Variants in CLDN12 observed in about 807,000 individuals in gnomAD.
CLDN12 encodes claudin 12, also known as claudin-12.
In CLDN12, 9 loss-of-function variants were observed where a neutral mutation model predicts 15.5. That is an observed-to-expected ratio of 0.58 (90% confidence interval 0.35 to 1.02). CLDN12 has a LOEUF of 1.02. Among genes scored for constraint, CLDN12 ranks in the 50% least tolerant of loss-of-function variants. CLDN12 has a pLI of 0.02. For synonymous variants in CLDN12, 140 were observed against 121.6 expected, an observed-to-expected ratio of 1.15 and a Z score of -1.00; for missense variants, 233 against 297.3, an observed-to-expected ratio of 0.78 and a Z score of 1.59.
chr7:90,414,806 T>C lies in CLDN12; in HGVS notation c.*1395T>C, dbSNP rs1797042707. On this transcript the variant is annotated 3_prime_UTR_variant, in exon 4 of 4. Transcript: ENST00000496677. ...CCACTTCTGAAAGTATGATGATGTA[T>C]TAAGGATGGAGGAGTTATTAAAAAT... The C allele has an allele frequency of 6.0e-6, 1 of 167,014 alleles. No homozygotes were observed. The highest frequency in any genetic ancestry group is 6.5e-5 in the Admixed American group (1 of 15,270). 10.3% of individuals were successfully genotyped at this position (167,014 alleles called of 1,614,324 possible).
Position 90,414,722 on chromosome 7 carries a change from T to C in CLDN12, c.*1311T>C, listed in dbSNP as rs1423601634. 6.0e-6 allele frequency: 1 copy of C among 167,100 alleles called. No individual in the cohort carries two copies. Among genetic ancestry groups the C allele is most frequent in the Non-Finnish European group, 1.5e-5 (1 of 68,120 alleles). 10.4% of individuals were successfully genotyped at this position (167,100 alleles called of 1,614,324 possible). A position where few individuals can be genotyped will look rare whatever the true frequency, so the allele number is the denominator to read the frequency against. On this transcript the variant is annotated 3_prime_UTR_variant, in exon 4 of 4. Transcript: ENST00000496677. ...TTTAAGGCACCTGTGCTAGCCTAGA[T>C]TTTGTAATAACACTGATTTATGAGA...
chr7:90,412,772 CTG>C lies in CLDN12; in HGVS notation c.97_98del (p.Trp33GlufsTer29). 6.2e-7 allele frequency: 1 copy of C among 1,614,208 alleles called. No homozygotes were observed. Among genetic ancestry groups the C allele is most frequent in the Non-Finnish European group, 8.5e-7 (1 of 1,180,036 alleles). On this transcript the variant is annotated frameshift_variant, in exon 4 of 4. Transcript: ENST00000496677. LOFTEE classifies it high-confidence loss of function. ...TCTTTGCAGGGACTCTGCTTCCCAACTGGAGAAAATTACGATTGATCACATTC... is the reference window on the plus strand; with the variant it reads ...TCTTTGCAGGGACTCTGCTTCCCAACGAGAAAATTACGATTGATCACATTC... ...GLFAGTLLPNWRKLRLITFNR... is the reference protein window; with the variant it reads ...GLFAGTLLPNXRKLRLITFNR...
chr7:90,410,998 A>G (rs1796949985), intron 2 of CLDN12, among the ~76,000 whole-genome samples: 1 of 152,066 alleles, frequency 6.6e-6, no homozygotes, highest in Non-Finnish European at 1.5e-5. Flanking sequence ...CTTGTTTCAA[A>G]AAAAAAAGAA....
rs969698079 is a variant in CLDN12 at position 90,413,831 on chromosome 7, T to C, written c.*420T>C. 5.0e-6 allele frequency: 5 copies of C among 1,001,634 alleles called. No individual in the cohort carries two copies. The highest frequency in any genetic ancestry group is 5.1e-4 in the Middle Eastern group (1 of 1,942). 62.0% of individuals were successfully genotyped at this position (1,001,634 alleles called of 1,614,324 possible). Reference sequence around the variant, plus strand: ...AAAAGGCAGTTTCAAATATAAGAAATTTATTTCAGGTAAGGGTAATATTTT... The same window carrying C: ...AAAAGGCAGTTTCAAATATAAGAAACTTATTTCAGGTAAGGGTAATATTTT... On this transcript the variant is annotated 3_prime_UTR_variant, in exon 4 of 4. Coordinates refer to ENST00000496677, the MANE Select transcript of CLDN12 (RefSeq NM_001185072.3).
chr7:90,413,047 AGTGTCTG>A lies in CLDN12; in HGVS notation c.374_380del (p.Cys125SerfsTer20). ...TCGGTGCCCAACATCAAACTGGCCA[AGTGTCTG>A]GTCAATAGTGCAGGTTGCCACCTGG... is the stretch of plus-strand genomic sequence containing the variant. On this transcript the variant is annotated frameshift_variant, in exon 4 of 4. Coordinates refer to ENST00000496677, the MANE Select transcript of CLDN12 (RefSeq NM_001185072.3). LOFTEE classifies it high-confidence loss of function. 6.2e-7 allele frequency: 1 copy of A among 1,614,102 alleles called. No homozygotes were observed. The highest frequency in any genetic ancestry group is 8.5e-7 in the Non-Finnish European group (1 of 1,180,010).
intron 2 of CLDN12, among the ~76,000 whole-genome samples, chr7:90,408,453 T>G (rs1020322675): frequency 1.1e-4 from 17 of 152,160 alleles, no homozygotes; most frequent in Admixed American, 6.6e-4. Context: ...TGAAATCTAG[T>G]GAGCTGTGAT....
intron 2 of CLDN12, among the ~76,000 whole-genome samples, chr7:90,407,494 A>C (rs539959050): frequency 1.3e-5 from 2 of 152,328 alleles, no homozygotes; most frequent in Admixed American, 1.3e-4. Context: ...CTGTATTCTG[A>C]CCAGAGTTAT....
At chr7:90,410,284 G>C (rs1156773369) in intron 2 of CLDN12, among the ~76,000 whole-genome samples, 1 of 151,928 alleles carries the variant, frequency 6.6e-6, no homozygotes, top group East Asian at 1.9e-4. Flanking sequence ...AAAAAATACT[G>C]TAATTAGTCT....
rs58946092 is a variant in CLDN12 at position 90,408,239 on chromosome 7, A to C, written c.-77+2631A>C. ...AATTTTACTTCAGGCATGGTGGCTT[A>C]CTTTTGTAATCCCAGCCCTTTGAAA... On this transcript the variant is annotated intron_variant, in intron 2 of 3. Coordinates refer to ENST00000496677, the MANE Select transcript of CLDN12 (RefSeq NM_001185072.3). Among the ~76,000 whole-genome samples the C allele has an allele frequency of 7.5e-3, 1,139 of 152,294 alleles. 12 individuals are homozygous for C. The highest frequency in any genetic ancestry group is 0.026 in the African/African-American group (1,097 of 41,554).
chr7:90,404,248 T>C (rs1368034926), intron 1 of CLDN12, among the ~76,000 whole-genome samples: 1 of 143,604 alleles, frequency 7.0e-6, no homozygotes, highest in Non-Finnish European at 1.5e-5. Context: ...CAATTATGAT[T>C]GATACCAACC....
At chr7:90,409,403 G>A (rs1259268750) in intron 2 of CLDN12, among the ~76,000 whole-genome samples, 1 of 152,068 alleles carries the variant, frequency 6.6e-6, no homozygotes, top group Admixed American at 6.5e-5. Context: ...TGTATTTTTA[G>A]TAGAGATGGG....
chr7:90,413,297 G>A lies in CLDN12; in HGVS notation c.621G>A (p.Trp207Ter), dbSNP rs755799542. ...GCAAATCTTTGCCTTCTCCTTTCTGGCAACCATTGTACTCCCATCCACCCA... is the reference window on the plus strand; with the variant it reads ...GCAAATCTTTGCCTTCTCCTTTCTGACAACCATTGTACTCCCATCCACCCA... ...CTCKSLPSPF[W>*]QPLYSHPPSM... Residue 207 changes from tryptophan to a stop codon, truncating the protein, a stop_gained, in exon 4 of 4, where the codon TGG (tryptophan) becomes TGA (stop). Coordinates refer to ENST00000496677, the MANE Select transcript of CLDN12 (RefSeq NM_001185072.3). LOFTEE classifies it high-confidence loss of function. 6.2e-7 allele frequency: 1 copy of A among 1,613,970 alleles called. No individual in the cohort carries two copies. Among genetic ancestry groups the A allele is most frequent in the South Asian group, 1.1e-5 (1 of 91,076 alleles).
intron 2 of CLDN12, among the ~76,000 whole-genome samples, chr7:90,408,480 G>A (rs762922749): frequency 6.6e-6 from 1 of 152,168 alleles, no homozygotes; most frequent in Non-Finnish European, 1.5e-5. Context: ...CTGCACTCCA[G>A]CTTGGGTGAT....
At position 90,413,429 on chromosome 7, in the gene CLDN12, G is replaced by C. The variant is rs1465732406; in HGVS notation, c.*18G>C. On this transcript the variant is annotated 3_prime_UTR_variant, in exon 4 of 4. Transcript: ENST00000496677. ...CCACTTAATGGGGAAATAGTTAATT[G>C]TTAAAGAAAACTTCTTGTAGCCTCA... The C allele has an allele frequency of 8.7e-6, 14 of 1,602,274 alleles. No individual in the cohort carries two copies. The highest frequency in any genetic ancestry group is 1.1e-5 in the Non-Finnish European group (13 of 1,172,384).
At position 90,414,055 on chromosome 7, in the gene CLDN12, A is replaced by G. The variant is rs1413233891; in HGVS notation, c.*644A>G. The G allele has an allele frequency of 1.0e-6, 1 of 988,254 alleles. No individual in the cohort carries two copies. Among genetic ancestry groups the G allele is most frequent in the African/African-American group, 1.8e-5 (1 of 56,992 alleles). The allele number at this position is 988,254 out of a possible 1,614,324, so 61.2% of individuals were successfully genotyped here. ...ATCACCTACTTATGAATAACATGTA[A>G]TAATTTTTAACATTAATGATTCCAT... On this transcript the variant is annotated 3_prime_UTR_variant, in exon 4 of 4. Coordinates refer to ENST00000496677, the MANE Select transcript of CLDN12 (RefSeq NM_001185072.3).
intron 2 of CLDN12, among the ~76,000 whole-genome samples, chr7:90,408,532 G>A (rs1796889231): frequency 6.6e-6 from 1 of 152,100 alleles, no homozygotes; most frequent in South Asian, 2.1e-4. Flanking sequence ...TTATCTCTCT[G>A]GTGGGATATA....
At chr7:90,409,687 G>T (rs1488367944) in intron 2 of CLDN12, among the ~76,000 whole-genome samples, 1 of 152,130 alleles carries the variant, frequency 6.6e-6, no homozygotes, top group Non-Finnish European at 1.5e-5. Context: ...TTTAACTCCT[G>T]CCTGATAAAT....
chr7:90,403,852 C>A (rs867592375), intron 1 of CLDN12, among the ~76,000 whole-genome samples: 1 of 151,978 alleles, frequency 6.6e-6, no homozygotes, highest in Admixed American at 6.5e-5. Context: ...GTAATGATGA[C>A]CTGCTTGCGG....
chr7:90,412,676 C>T lies in CLDN12; in HGVS notation c.-1C>T. ...GACAGTACTCCACAAGCTTGCCTGC[C>T]ATGGGCTGTCGGGATGTCCACGCAG... On this transcript the variant is annotated 5_prime_UTR_variant, in exon 4 of 4. Transcript: ENST00000496677. The T allele has an allele frequency of 6.2e-7, 1 of 1,610,040 alleles. No individual in the cohort carries two copies. The highest frequency in any genetic ancestry group is 8.5e-7 in the Non-Finnish European group (1 of 1,178,054).
Sources: gnomAD v4.1 joint callset for allele counts (sites outside exome capture counted in the v4.1 genomes callset) on GRCh38, gnomAD v4.1.1 for gene constraint, MANE v1.5 for transcripts, NCBI Gene and HGNC (gene_info 2026-07-23, HGNC 2026-07-21) for gene names.